KIF27: variants seen among roughly 807,000 people sequenced by gnomAD.
KIF27 encodes kinesin-like protein KIF27.
KIF27 carries 84 observed loss-of-function variants against 141.8 expected under a neutral mutation model. The ratio of observed to expected loss-of-function variants is 0.59; its 90% CI spans 0.50 to 0.71. The LOEUF (loss-of-function observed/expected upper bound fraction) is 0.71. Ranked by LOEUF, KIF27 falls within the 30% of genes least tolerant of loss-of-function variation. The probability of loss-of-function intolerance (pLI) is 0.00; values close to 1 mark genes in which losing one functional copy is unlikely to be tolerated. For synonymous variants in KIF27, 471 were observed against 569.5 expected, an observed-to-expected ratio of 0.83 and a Z score of 2.46; for missense variants, 1,306 against 1,628.4, an observed-to-expected ratio of 0.80 and a Z score of 3.41.
chr9:83,898,461 T>C (rs7874481), intron 5 of KIF27, among the ~76,000 whole-genome samples: 20,180 of 152,028 alleles, frequency 0.13, 1,396 homozygotes, highest in African/African-American at 0.14. Flanking sequence ...AAAGAAATGA[T>C]TACCATGTAA....
chr9:83,852,907 A>G (rs1450051891), intron 15 of KIF27, among the ~76,000 whole-genome samples: 1 of 152,214 alleles, frequency 6.6e-6, no homozygotes, highest in Non-Finnish European at 1.5e-5. Context: ...ACCTGGCCTT[A>G]GGACTTTATT....
At chr9:83,894,755 A>G (rs1953014414) in intron 5 of KIF27, among the ~76,000 whole-genome samples, 2 of 152,134 alleles carry the variant, frequency 1.3e-5, no homozygotes, top group Non-Finnish European at 2.9e-5. Context: ...ACTTTGTTCC[A>G]TGTGTCTTTT....
At position 83,901,336 on chromosome 9, in the gene KIF27, T is replaced by C. The variant is rs575294229; in HGVS notation, c.1459-1532A>G. ...ATCTCATATTTCAAGTAACTAGAAA[T>C]TTCTGCTTGTTGAGTTTGGTATAAT... On this transcript the variant is annotated intron_variant, in intron 4 of 17. Coordinates refer to ENST00000297814, the MANE Select transcript of KIF27 (RefSeq NM_017576.4). 2.0e-4 allele frequency among the ~76,000 whole-genome samples: 31 copies of C among 152,318 alleles called. 2 individuals are homozygous for C. Among genetic ancestry groups the C allele is most frequent in the Middle Eastern group, 6.8e-3 (2 of 294 alleles).
intron 15 of KIF27, among the ~76,000 whole-genome samples, chr9:83,850,830 CTTTTTTT>C (rs202212264): frequency 4.7e-4 from 32 of 67,512 alleles, no homozygotes; most frequent in East Asian, 2.1e-3. Flanking sequence ...ATGACATTTT[CTTTTTTT>C]TTTTTTTTTT....
chr9:83,919,631 A>G (rs1956056115), intron 1 of KIF27, among the ~76,000 whole-genome samples: 1 of 150,950 alleles, frequency 6.6e-6, no homozygotes, highest in South Asian at 2.1e-4. Flanking sequence ...ACGGTGGTTC[A>G]CATCTGTAAT....
intron 11 of KIF27, among the ~76,000 whole-genome samples, chr9:83,877,025 T>C (rs1050815281): frequency 6.6e-6 from 1 of 152,166 alleles, no homozygotes; most frequent in Non-Finnish European, 1.5e-5. Context: ...TGCAGTGGGC[T>C]ATGATCATGG....
chr9:83,890,395 T>C (rs1444195972), intron 6 of KIF27, among the ~76,000 whole-genome samples: 4 of 152,218 alleles, frequency 2.6e-5, no homozygotes, highest in Non-Finnish European at 5.9e-5. Flanking sequence ...TACAACGTAC[T>C]AGACATGGCT....
chr9:83,851,358 T>A (rs1948563741), intron 15 of KIF27, among the ~76,000 whole-genome samples: 1 of 152,130 alleles, frequency 6.6e-6, no homozygotes, highest in Admixed American at 6.5e-5. Flanking sequence ...GTTGTTGTTG[T>A]TGTTATTGTT....
chr9:83,920,204 A>C (rs1383106820), intron 1 of KIF27, among the ~76,000 whole-genome samples: 1 of 152,206 alleles, frequency 6.6e-6, no homozygotes, highest in African/African-American at 2.4e-5. Context: ...TGAGTAACAG[A>C]GCGAGACCCT....
chr9:83,918,758 T>C (rs1452512464), intron 1 of KIF27, among the ~76,000 whole-genome samples: 1 of 152,038 alleles, frequency 6.6e-6, no homozygotes, highest in East Asian at 1.9e-4. Context: ...CTGGACAACA[T>C]GGTGTAACCC....
rs150390932 is a variant in KIF27 at position 83,916,047 on chromosome 9, C to T, written c.-87-369G>A. 2.6e-3 allele frequency among the ~76,000 whole-genome samples: 389 copies of T among 152,092 alleles called. 5 individuals are homozygous for T. Among genetic ancestry groups the T allele is most frequent in the African/African-American group, 8.9e-3 (368 of 41,476 alleles). ...GGAGATAAGTAAGGAACTGTACACA[C>T]GTTTTTTTGTTTTTTGAGATGGAGT... On this transcript the variant is annotated intron_variant, in intron 1 of 17. Transcript: ENST00000297814.
At chr9:83,889,621 A>T (rs1952473442) in intron 6 of KIF27, among the ~76,000 whole-genome samples, 1 of 151,338 alleles carries the variant, frequency 6.6e-6, no homozygotes, top group African/African-American at 2.4e-5. Flanking sequence ...CCAGTTCAGA[A>T]CACCTGGAGA....
At chr9:83,918,319 G>T (rs1312718252) in intron 1 of KIF27, among the ~76,000 whole-genome samples, 4 of 81,076 alleles carry the variant, frequency 4.9e-5, no homozygotes, top group Non-Finnish European at 8.6e-5. Flanking sequence ...GAGAACGAGA[G>T]AAATGGGGGG....
chr9:83,871,223 A>T (rs1453586815), intron 11 of KIF27, among the ~76,000 whole-genome samples: 4 of 152,218 alleles, frequency 2.6e-5, no homozygotes, highest in African/African-American at 7.2e-5. Context: ...GCTCAGCCTT[A>T]ATTTTTAATT....
intron 4 of KIF27, among the ~76,000 whole-genome samples, chr9:83,901,240 C>A (rs1312130430): frequency 6.6e-6 from 1 of 152,202 alleles, no homozygotes; most frequent in Non-Finnish European, 1.5e-5. Context: ...TGATTACAGG[C>A]ATAAGCCACT....
intron 13 of KIF27, among the ~76,000 whole-genome samples, chr9:83,860,448 C>T (rs1949765120): frequency 6.6e-6 from 1 of 152,146 alleles, no homozygotes; most frequent in Non-Finnish European, 1.5e-5. Flanking sequence ...TTCCCAACCT[C>T]CTCCATTCTC....
chr9:83,865,751 T>C (rs1382084308), intron 13 of KIF27, among the ~76,000 whole-genome samples: 1 of 152,210 alleles, frequency 6.6e-6, no homozygotes, highest in Non-Finnish European at 1.5e-5. Context: ...TCTGAGTTTA[T>C]TTTTTCCTTT....
intron 5 of KIF27, among the ~76,000 whole-genome samples, chr9:83,894,178 A>G (rs1952945694): frequency 6.6e-6 from 1 of 152,236 alleles, no homozygotes; most frequent in African/African-American, 2.4e-5. Context: ...CATTTAAGAA[A>G]GAAATAATAC....
rs1235644060 is a variant in KIF27 at position 83,848,226 on chromosome 9, GATATGATAT to G, written c.3556+1864_3556+1872del. 4.3e-5 allele frequency among the ~76,000 whole-genome samples: 3 copies of G among 69,282 alleles called. 1 individual carries two copies. Among genetic ancestry groups the G allele is most frequent in the East Asian group, 7.5e-4 (2 of 2,674 alleles). The allele number at this position is 69,282 out of a possible 152,430, so 45.5% of individuals were successfully genotyped here. A position where few individuals can be genotyped will look rare whatever the true frequency, so the allele number is the denominator to read the frequency against. The stretch of plus-strand genomic sequence containing the variant: ...CAGATATGATATATATGATATATCA[GATATGATAT>G]ATATGATATATCAGATATGATATAT... On this transcript the variant is annotated intron_variant, in intron 16 of 17. Coordinates refer to ENST00000297814, the MANE Select transcript of KIF27 (RefSeq NM_017576.4).
Sources: gnomAD v4.1 joint callset for allele counts (sites outside exome capture counted in the v4.1 genomes callset) on GRCh38, gnomAD v4.1.1 for gene constraint, MANE v1.5 for transcripts, NCBI Gene and HGNC (gene_info 2026-07-23, HGNC 2026-07-21) for gene names.